PIEZO1: variants seen among roughly 807,000 people sequenced by gnomAD.
The protein encoded by PIEZO1 is piezo-type mechanosensitive ion channel component 1.
Under a neutral mutation model 297.2 loss-of-function variants are expected in PIEZO1, and 296 were observed. The ratio of observed to expected loss-of-function variants is 1.00; its 90% CI spans 0.91 to 1.10. PIEZO1 has a LOEUF of 1.10. Ranked by LOEUF, PIEZO1 falls within the 50% of genes least tolerant of loss-of-function variation. The probability of loss-of-function intolerance (pLI) is 0.00; values close to 1 mark genes in which losing one functional copy is unlikely to be tolerated. For missense variants in PIEZO1, 5,018 were observed against 3,455.5 expected (o/e 1.45, Z -11.34); for synonymous variants, 2,427 against 1,507.5 (o/e 1.61, Z -14.13).
chr16:88,733,666 C>A lies in PIEZO1; in HGVS notation c.2409G>T (p.Gln803His). 1 of 1,549,890 alleles carries A rather than the reference C, an allele frequency of 6.5e-7. No individual in the cohort carries two copies. Among genetic ancestry groups the A allele is most frequent in the Non-Finnish European group, 8.7e-7 (1 of 1,146,676 alleles). ...AGFSDVLSRV[Q>H]VFLRRLLELH... ...GCTCCAGCAGCCGCCGCAGGAACACCTGCACGCGTGAGAGGACGTCCGAGA... is the reference window on the plus strand; with the variant it reads ...GCTCCAGCAGCCGCCGCAGGAACACATGCACGCGTGAGAGGACGTCCGAGA... The change falls in exon 18 of 51, where the codon CAG becomes CAT. Residue 803 changes from glutamine to histidine, a missense_variant. Physicochemically the swap from Gln to His is conservative, Grantham distance 24 (BLOSUM62 0). Coordinates refer to ENST00000301015, the MANE Select transcript of PIEZO1 (RefSeq NM_001142864.4).
At chr16:88,770,414 G>C (rs183689447) in intron 1 of PIEZO1, among the ~76,000 whole-genome samples, 7 of 152,214 alleles carry the variant, frequency 4.6e-5, no homozygotes, top group Admixed American at 3.9e-4. Context: ...TCTGTGGGGT[G>C]GGGGGACGGG....
At chr16:88,780,144 C>T (rs62048221) in intron 1 of PIEZO1, among the ~76,000 whole-genome samples, 30,533 of 152,158 alleles carry the variant, frequency 0.2, 3,230 homozygotes, top group Middle Eastern at 0.31. Context: ...TCCCAGTGAC[C>T]CTGGACCCCA....
Position 88,726,921 on chromosome 16 carries a change from A to T in PIEZO1, c.3493T>A (p.Tyr1165Asn). 1 of 1,550,404 alleles carries T rather than the reference A, an allele frequency of 6.4e-7. No homozygotes were observed. The highest frequency in any genetic ancestry group is 1.4e-5 in the African/African-American group (1 of 73,156). The change falls in exon 25 of 51, where the codon TAC (tyrosine) becomes AAC (asparagine). Residue 1165 changes from tyrosine to asparagine, a missense_variant. Tyr to Asn is a moderately radical substitution (Grantham distance 143, BLOSUM62 -2). Transcript: ENST00000301015. ...LDMLKVAVFR[Y>N]LFWLVLVVVF... The stretch of plus-strand genomic sequence containing the variant: ...ACCACCAGCACCAGCCAGAACAGGT[A>T]TCGGAAGACGGCCACCTTCAGCATG...
intron 29 of PIEZO1, among the ~76,000 whole-genome samples, 165 bp from the exon 30 acceptor site, chr16:88,725,245 G>T (rs114146894): frequency 6.6e-6 from 1 of 152,190 alleles, no homozygotes; most frequent in South Asian, 2.1e-4. Context: ...GTGCGTGGAC[G>T]GACAGTCACA....
At chr16:88,741,757 T>C (rs1304513431) in intron 4 of PIEZO1, 141 bp from the exon 5 acceptor site, 1 of 265,938 alleles carries the variant, frequency 3.8e-6, no homozygotes, top group Non-Finnish European at 7.4e-6. Flanking sequence ...CAGGTGCGGG[T>C]GGGAGTGTGG....
chr16:88,720,616 A>G lies in PIEZO1; in HGVS notation c.5801T>C (p.Leu1934Pro), dbSNP rs1046228013. The G allele has an allele frequency of 1.9e-6, 3 of 1,539,948 alleles. No individual in the cohort carries two copies. The highest frequency in any genetic ancestry group is 1.4e-5 in the African/African-American group (1 of 71,388). ...GRRLQGFCLS[L>P]AQGTYRPLRR... ...GCTGCCCCCGGCCGCCATCACTCACAGGGACAGGCAGAAGCCCTGCAGCCG... is the reference window on the plus strand; with the variant it reads ...GCTGCCCCCGGCCGCCATCACTCACGGGGACAGGCAGAAGCCCTGCAGCCG... Residue 1934 changes from leucine to proline, a missense_variant and splice_region_variant, in exon 40 of 51, where the codon CTG (leucine) becomes CCG (proline). Coordinates refer to ENST00000301015, the MANE Select transcript of PIEZO1 (RefSeq NM_001142864.4).
At chr16:88,744,525 C>T (rs1199657912) in intron 2 of PIEZO1, among the ~76,000 whole-genome samples, 1 of 151,532 alleles carries the variant, frequency 6.6e-6, no homozygotes, top group African/African-American at 2.4e-5. Flanking sequence ...TGACCAGAGA[C>T]CCCTGGGCAG....
chr16:88,772,399 C>A (rs1185153710), intron 1 of PIEZO1, among the ~76,000 whole-genome samples: 1 of 152,186 alleles, frequency 6.6e-6, no homozygotes, highest in African/African-American at 2.4e-5. Flanking sequence ...CAATAACCAA[C>A]AGCCACGCTG....
intron 1 of PIEZO1, among the ~76,000 whole-genome samples, chr16:88,759,539 G>A (rs1436013088): frequency 1.3e-5 from 2 of 152,054 alleles, no homozygotes; most frequent in African/African-American, 4.8e-5. Context: ...GGGCGGGGCC[G>A]GGCAGAGGAA....
At chr16:88,767,593 C>T (rs1907234744) in intron 1 of PIEZO1, among the ~76,000 whole-genome samples, 1 of 152,148 alleles carries the variant, frequency 6.6e-6, no homozygotes, top group Admixed American at 6.5e-5. Context: ...ATACACTTGG[C>T]CACTGAGCCA....
intron 1 of PIEZO1, among the ~76,000 whole-genome samples, chr16:88,780,658 A>T (rs1907888558): frequency 6.6e-6 from 1 of 152,220 alleles, no homozygotes; most frequent in Non-Finnish European, 1.5e-5. Flanking sequence ...ATATAAACAA[A>T]GAAGCAAAAG....
Position 88,734,686 on chromosome 16 carries a change from G to A in PIEZO1, c.1961C>T (p.Ala654Val). 1.9e-6 allele frequency: 3 copies of A among 1,550,368 alleles called. No individual in the cohort carries two copies. Among genetic ancestry groups the A allele is most frequent in the Non-Finnish European group, 2.6e-6 (3 of 1,146,946 alleles). The change falls in exon 15 of 51, where the codon GCC becomes GTC. Residue 654 changes from alanine (A) to valine (V), a missense_variant. Physicochemically the swap from Ala to Val is moderately conservative, Grantham distance 64. Coordinates refer to ENST00000301015, the MANE Select transcript of PIEZO1 (RefSeq NM_001142864.4). ...GAAGCCAGTGAGGTTGCGCCAGTAG[G>A]CAGGGAAGTCCTGGAACTGGAAGGT... is the stretch of plus-strand genomic sequence containing the variant. ...VYTFQFQDFP[A>V]YWRNLTGFTD...
intron 1 of PIEZO1, among the ~76,000 whole-genome samples, chr16:88,757,132 A>G (rs1308471312): frequency 6.6e-6 from 1 of 152,016 alleles, no homozygotes; most frequent in Non-Finnish European, 1.5e-5. Context: ...TCCCTGGGGA[A>G]GGGAAGGGCT....
chr16:88,737,354 G>C, intron 10 of PIEZO1: 2 of 546,924 alleles, frequency 3.7e-6, no homozygotes, highest in South Asian at 4.2e-5. Flanking sequence ...GGGTCTTGGG[G>C]GTTGGTCAGT....
chr16:88,770,214 C>T (rs191343650), intron 1 of PIEZO1, among the ~76,000 whole-genome samples: 58 of 152,332 alleles, frequency 3.8e-4, no homozygotes, highest in African/African-American at 1.4e-3. Flanking sequence ...AGGAGGCCTG[C>T]AGGCAGCCCC....
intron 30 of PIEZO1, 119 bp from the exon 31 acceptor site, chr16:88,724,090 C>T: frequency 1.5e-6 from 1 of 658,646 alleles, no homozygotes; most frequent in Non-Finnish European, 2.7e-6. Context: ...TAGCCGGGAG[C>T]AGTGCAGGCA....
Position 88,738,322 on chromosome 16 carries a change from C to T in PIEZO1, c.753G>A (p.Ala251=), listed in dbSNP as rs150688010. 60 of 1,535,844 alleles carry T rather than the reference C, an allele frequency of 3.9e-5. No individual in the cohort carries two copies. The highest frequency in any genetic ancestry group is 3.4e-4 in the East Asian group (14 of 40,918). ...GATGGCCGGCGCCGAAGCACCCCAC[C>T]GCGACGCAGAGTCTGCTGAAGCCCC... The part of the protein sequence containing the change: ...STRGFSRLCV[A]VGCFGAGHLI... The change falls in exon 7 of 51, where the codon GCG becomes GCA. Residue 251 remains alanine (A), a synonymous_variant. Transcript: ENST00000301015.
At chr16:88,749,608 C>G in intron 1 of PIEZO1, 129 bp from the exon 2 acceptor site, 1 of 688,782 alleles carries the variant, frequency 1.5e-6, no homozygotes, top group Non-Finnish European at 2.3e-6. Context: ...TGCCCTGAGC[C>G]AGAGCCGTGG....
In PIEZO1 at chr16:88,721,454, A is replaced by AG. The variant is rs751328368; in HGVS notation, c.5404-25dup. The AG allele has an allele frequency of 1.2e-5, 18 of 1,540,222 alleles. No individual in the cohort carries two copies. The South Asian group carries it at 2.0e-4, about 17-fold the overall frequency. On this transcript the variant is annotated intron_variant, in intron 38 of 50. Transcript: ENST00000301015. ...CACTGAGGGGCGGGAGGGTGTGGTG[A>AG]GGGGGCCTTGCCTCCCTGGTGGAGA... is the stretch of plus-strand genomic sequence containing the variant.
Sources: allele counts gnomAD v4.1 joint callset (sites outside exome capture counted in the v4.1 genomes callset), GRCh38; gene constraint gnomAD v4.1.1; transcripts MANE v1.5; gene names NCBI Gene and HGNC (gene_info 2026-07-23, HGNC 2026-07-21).